TUBGCP2: variants seen among roughly 807,000 people sequenced by gnomAD.
TUBGCP2 encodes tubulin gamma complex component 2, also known as gamma-tubulin complex component 2.
Under a neutral mutation model 92.2 loss-of-function variants are expected in TUBGCP2, and 55 were observed. The ratio of observed to expected loss-of-function variants is 0.60; its 90% CI spans 0.48 to 0.75. The LOEUF is 0.75. Among genes scored for constraint, TUBGCP2 ranks in the 30% least tolerant of loss-of-function variants. The pLI, the probability that TUBGCP2 is intolerant of heterozygous loss-of-function variation, is 0.00. For synonymous variants in TUBGCP2, 533 were observed against 505.2 expected, an observed-to-expected ratio of 1.06 and a Z score of -0.74; for missense variants, 1,093 against 1,188.9, an observed-to-expected ratio of 0.92 and a Z score of 1.19.
At position 133,298,095 on chromosome 10, in the gene TUBGCP2, CTTT is replaced by C. The variant is rs764597172; in HGVS notation, c.470_472del (p.Lys157del). On this transcript the variant is annotated inframe_deletion, in exon 5 of 18. Coordinates refer to ENST00000252936, the MANE Select transcript of TUBGCP2 (RefSeq NM_006659.4). ...GTTCTGCTTGTCTCGAAGCATCTTT[CTTT>C]TAAGTTCCAGAGACTAGCAAGGACA... is the stretch of plus-strand genomic sequence containing the variant. The C allele has an allele frequency of 1.2e-6, 2 of 1,613,816 alleles. No homozygotes were observed. Among genetic ancestry groups the C allele is most frequent in the East Asian group, 4.5e-5 (2 of 44,894 alleles).
intron 5 of TUBGCP2, among the ~76,000 whole-genome samples, chr10:133,294,772 T>C (rs1230300590): frequency 6.6e-6 from 1 of 152,080 alleles, no homozygotes; most frequent in Non-Finnish European, 1.5e-5. Flanking sequence ...CGTGCCACCA[T>C]TCCTGGCTAA....
In TUBGCP2 at chr10:133,289,694, T is replaced by C. The variant is rs1290195970; in HGVS notation, c.1360+130A>G. On this transcript the variant is annotated intron_variant, in intron 9 of 17. Transcript: ENST00000252936. The stretch of plus-strand genomic sequence containing the variant: ...GGCCAGTCCTGACCTCAGCCCCGCA[T>C]TCACGGACACCAGGGCTCAGGGCAA... 10 of 1,094,468 alleles carry C rather than the reference T, an allele frequency of 9.1e-6. No individual in the cohort carries two copies. In the South Asian group the frequency reaches 1.3e-4, roughly 14 times the overall value. The allele number at this position is 1,094,468 out of a possible 1,614,324, so 67.8% of individuals were successfully genotyped here.
At chr10:133,293,384 T>C in intron 6 of TUBGCP2, 146 bp from the exon 7 acceptor site, 1 of 1,213,994 alleles carries the variant, frequency 8.2e-7, no homozygotes, top group Non-Finnish European at 1.1e-6. Context: ...CAGGAGGAGA[T>C]GAGTCAGGAC....
chr10:133,285,745 G>C lies in TUBGCP2; in HGVS notation c.1723-117C>G, dbSNP rs1011252794. ...GCTGACGTAAGGTTCCCTACATTCC[G>C]ATTCTAAATATCAGAGGCTTTTCAA... On this transcript the variant is annotated intron_variant, in intron 11 of 17. Transcript: ENST00000252936. This position sits in a 1 kb window ranked among gnomAD's most constrained non-coding sequence, Gnocchi z 6.8. 2.0e-6 allele frequency: 2 copies of C among 990,346 alleles called. No homozygotes were observed. Among genetic ancestry groups the C allele is most frequent in the African/African-American group, 1.7e-5 (1 of 60,144 alleles). 61.3% of individuals were successfully genotyped at this position (990,346 alleles called of 1,614,324 possible). A position where few individuals can be genotyped will look rare whatever the true frequency, so the allele number is the denominator to read the frequency against.
upstream of TUBGCP2, chr10:133,308,893 C>T: frequency 8.3e-7 from 1 of 1,203,172 alleles, no homozygotes; most frequent in Non-Finnish European, 1.0e-6. Context: ...TCACGTCCGG[C>T]TCGGCTCGCG....
Position 133,282,350 on chromosome 10 carries a change from G to A in TUBGCP2, c.2290-8C>T, listed in dbSNP as rs201356514. On this transcript the variant is annotated splice_polypyrimidine_tract_variant and splice_region_variant and intron_variant, in intron 15 of 17. Transcript: ENST00000252936. ...CATGCTCTGTGTAAATTTCTAGGGG[G>A]GGAGAGTCGCAAGGAAATGCTTCTG... 8.2e-4 allele frequency: 1,291 copies of A among 1,582,066 alleles called. 22 individuals are homozygous for A. Among genetic ancestry groups the A allele is most frequent in the Admixed American group, 5.0e-4 (27 of 54,116 alleles).
chr10:133,292,093 CCG>C, intron 8 of TUBGCP2, among the ~76,000 whole-genome samples: 4 of 9,744 alleles, frequency 4.1e-4, no homozygotes, highest in Admixed American at 7.4e-4. Flanking sequence ...CCGTGTCCCT[CCG>C]TGTCCCTCCG....
At position 133,290,017 on chromosome 10, in the gene TUBGCP2, G is replaced by C; in HGVS notation, c.1215-48C>G. The stretch of plus-strand genomic sequence containing the variant: ...GGTCACAGGCAAAGCAAGGGCGCCT[G>C]AGGCAGGCGACACTTCTCCAGGCCG... On this transcript the variant is annotated intron_variant, in intron 8 of 17. Transcript: ENST00000252936. 2 of 1,597,748 alleles carry C rather than the reference G, an allele frequency of 1.3e-6. 1 individual carries two copies. The highest frequency in any genetic ancestry group is 2.2e-5 in the South Asian group (2 of 90,760).
At chr10:133,303,018 T>C (rs1847712553) in intron 1 of TUBGCP2, 38 bp from the exon 2 acceptor site, 2 of 1,580,758 alleles carry the variant, frequency 1.3e-6, no homozygotes, top group Non-Finnish European at 1.7e-6. Context: ...AAATTCAAAC[T>C]GTAGAAATAA....
rs1441214453 is a variant in TUBGCP2, at chr10:133,285,691, C to T, written c.1723-63G>A. ...AAGGAAAAGACCCGAAGTCGCATCC[C>T]GATCGCCATCCTCGCTCACAGACCC... On this transcript the variant is annotated intron_variant, in intron 11 of 17. Transcript: ENST00000252936. This position sits in a 1 kb window ranked among gnomAD's most constrained non-coding sequence, Gnocchi z 6.8. 10 of 1,438,694 alleles carry T rather than the reference C, an allele frequency of 7.0e-6. No homozygotes were observed. Among genetic ancestry groups the T allele is most frequent in the Admixed American group, 5.7e-5 (2 of 34,904 alleles). The allele number at this position is 1,438,694 out of a possible 1,614,324, so 89.1% of individuals were successfully genotyped here.
In TUBGCP2 at chr10:133,285,227, G is replaced by A. The variant is rs376075962; in HGVS notation, c.1896-14C>T. The A allele has an allele frequency of 9.9e-6, 16 of 1,610,858 alleles. No homozygotes were observed. The African/African-American group carries it at 1.7e-4, about 17-fold the overall frequency. On this transcript the variant is annotated splice_polypyrimidine_tract_variant and intron_variant, in intron 12 of 17. Transcript: ENST00000252936. The surrounding 1 kb of genome is among the most constrained non-coding windows in gnomAD (Gnocchi z 6.8). ...GTGAGGGCTTTCCTGCAAGAGACGT[G>A]GCGGCACCTCAGGTGGGCCTCCGTG...
At chr10:133,280,623 G>T (rs1171560578) in intron 17 of TUBGCP2, among the ~76,000 whole-genome samples, 1 of 152,242 alleles carries the variant, frequency 6.6e-6, no homozygotes, top group South Asian at 2.1e-4. Context: ...ACCCCAGGGA[G>T]AGCTGGGCTA....
chr10:133,308,812 C>A lies in TUBGCP2; in HGVS notation c.-40+11G>T. On this transcript the variant is annotated intron_variant, in intron 1 of 17. Coordinates refer to ENST00000252936, the MANE Select transcript of TUBGCP2 (RefSeq NM_006659.4). Reference sequence around the variant, plus strand: ...TCATCACGCCCGCGCCCGCGTTCGGCCAGGACTCACCGCAGTCCCGGAGCC... The same window carrying A: ...TCATCACGCCCGCGCCCGCGTTCGGACAGGACTCACCGCAGTCCCGGAGCC... The A allele has an allele frequency of 2.7e-6, 2 of 738,156 alleles. No homozygotes were observed. The highest frequency in any genetic ancestry group is 1.8e-6 in the Non-Finnish European group (1 of 550,314). 45.7% of individuals were successfully genotyped at this position (738,156 alleles called of 1,614,324 possible).
chr10:133,281,151 C>A (rs1242173511), intron 17 of TUBGCP2, 122 bp downstream of exon 17: 72 of 514,992 alleles, frequency 1.4e-4, no homozygotes, highest in Admixed American at 3.9e-4. Flanking sequence ...TGGGCCAGGG[C>A]GGTGTTGGGC....
upstream of TUBGCP2, chr10:133,309,675 C>T (rs890993589): frequency 2.9e-6 from 4 of 1,399,422 alleles, no homozygotes; most frequent in Middle Eastern, 2.4e-4. Flanking sequence ...GCAAAAGATG[C>T]ATAGGGGCTT....
chr10:133,309,399 G>C, upstream of TUBGCP2: 1 of 1,611,748 alleles, frequency 6.2e-7, no homozygotes, highest in Non-Finnish European at 8.5e-7. Flanking sequence ...GGATGGGGAC[G>C]TGCAGCGCCA....
chr10:133,304,040 G>A (rs1847748068), intron 1 of TUBGCP2, among the ~76,000 whole-genome samples: 1 of 152,206 alleles, frequency 6.6e-6, no homozygotes, highest in Non-Finnish European at 1.5e-5. Context: ...AGGCCATTAA[G>A]ACAAACACAT....
upstream of TUBGCP2, chr10:133,310,365 C>T (rs972657142): frequency 1.6e-5 from 25 of 1,575,220 alleles, no homozygotes; most frequent in African/African-American, 1.8e-4. Flanking sequence ...AATGCATAGA[C>T]GGTCAGACTT....
chr10:133,309,275 G>C (rs1847926919), upstream of TUBGCP2: 7 of 1,391,044 alleles, frequency 5.0e-6, no homozygotes, highest in South Asian at 1.4e-5. Flanking sequence ...GGGGCCTGAG[G>C]CTGTGGGGCG....
Sources: gnomAD v4.1 joint callset for allele counts (sites outside exome capture counted in the v4.1 genomes callset) on GRCh38, gnomAD v4.1.1 for gene constraint, Gnocchi (gnomAD v3.1) non-coding constraint, MANE v1.5 for transcripts, NCBI Gene and HGNC (gene_info 2026-07-23, HGNC 2026-07-21) for gene names.